DHRS12: variants seen among roughly 807,000 people sequenced by gnomAD.
The protein encoded by DHRS12 is dehydrogenase/reductase SDR family member 12.
In DHRS12, 29 loss-of-function variants were observed where a neutral mutation model predicts 32.1. That is an observed-to-expected ratio of 0.90 (90% CI 0.67 to 1.23). The LOEUF (loss-of-function observed/expected upper bound fraction) is 1.23. DHRS12 is among the 50% of genes most tolerant of loss of function. The pLI is 0.00. For synonymous variants in DHRS12, 150 were observed against 135.9 expected (o/e 1.10, Z -0.72); for missense variants, 330 against 337.2 (o/e 0.98, Z 0.17).
At chr13:51,798,373 G>GT (rs1177357476) in intron 2 of DHRS12, among the ~76,000 whole-genome samples, 2 of 152,234 alleles carry the variant, frequency 1.3e-5, no homozygotes, top group African/African-American at 4.8e-5. Context: ...AGAGACTCAA[G>GT]TATTGACTGA....
rs1954754768 is a variant in DHRS12, at chr13:51,782,381, GAGA to G, written c.302-5263_302-5261del. Reference sequence around the variant, plus strand: ...CACGCTGCAGCTGGCTAAGGAGGTTGAGAAGGAGCCAACCTCCGAGGGTGGAAT... The same window carrying G: ...CACGCTGCAGCTGGCTAAGGAGGTTGAGGAGCCAACCTCCGAGGGTGGAAT... On this transcript the variant is annotated intron_variant, in intron 4 of 8. Transcript: ENST00000444610. This position sits in a 1 kb window ranked among gnomAD's most constrained non-coding sequence, Gnocchi z 4.2. 6.6e-6 allele frequency among the ~76,000 whole-genome samples: 1 copy of G among 152,206 alleles called. No homozygotes were observed. Among genetic ancestry groups the G allele is most frequent in the Non-Finnish European group, 1.5e-5 (1 of 68,030 alleles).
At position 51,770,301 on chromosome 13, in the gene DHRS12, G is replaced by A. The variant is rs186699731; in HGVS notation, c.560-1008C>T. Among the ~76,000 whole-genome samples, 34 of 152,302 alleles carry A rather than the reference G, an allele frequency of 2.2e-4. 1 individual carries two copies. Among genetic ancestry groups the A allele is most frequent in the Admixed American group, 1.8e-3 (27 of 15,302 alleles). On this transcript the variant is annotated intron_variant, in intron 7 of 8. Coordinates refer to ENST00000444610, the MANE Select transcript of DHRS12 (RefSeq NM_001377533.1). ...TGCTCAGCCCTCCCAGGCCCCTGTG[G>A]CCACAGACAGGTTGTGTGCACCTGA...
At chr13:51,778,943 A>C (rs1025728026) in intron 4 of DHRS12, among the ~76,000 whole-genome samples, 1 of 152,166 alleles carries the variant, frequency 6.6e-6, no homozygotes, top group Admixed American at 6.5e-5. Context: ...CTGTGTATAT[A>C]TATATATAAA....
chr13:51,759,848 A>C, the DHRS12 span: 2 of 1,455,248 alleles, frequency 1.4e-6, no homozygotes, highest in South Asian at 2.3e-5. Flanking sequence ...AGAGTGGTAA[A>C]GCAGACATGT....
At chr13:51,800,502 C>G (rs74086297) in intron 1 of DHRS12, among the ~76,000 whole-genome samples, 4,561 of 152,348 alleles carry the variant, frequency 0.03, 113 homozygotes, top group Admixed American at 0.06. Context: ...TGCCCACGCA[C>G]AGGCAGGCTG....
chr13:51,779,089 C>T (rs1354966978), intron 4 of DHRS12, among the ~76,000 whole-genome samples: 1 of 152,110 alleles, frequency 6.6e-6, no homozygotes, highest in African/African-American at 2.4e-5. Context: ...TGCTGCATGC[C>T]AACCCATGCC....
At position 51,777,094 on chromosome 13, in the gene DHRS12, A is replaced by G. The variant is rs1954461693; in HGVS notation, c.329T>C (p.Ile110Thr). ...GTCGTGTTCTTTCTCCAGCACAGGG[A>G]TCAGGCCGGTCGTGAGAATGTACAC... ...LGVYILTTGL[I>T]PVLEKEHDPR... Residue 110 changes from isoleucine to threonine, a missense_variant, in exon 5 of 9, where the codon ATC becomes ACC. Coordinates refer to ENST00000444610, the MANE Select transcript of DHRS12 (RefSeq NM_001377533.1). 6.2e-7 allele frequency: 1 copy of G among 1,613,800 alleles called. No homozygotes were observed. Among genetic ancestry groups the G allele is most frequent in the African/African-American group, 1.3e-5 (1 of 74,900 alleles).
chr13:51,795,708 G>A (rs1955484170), intron 2 of DHRS12, among the ~76,000 whole-genome samples: 1 of 152,170 alleles, frequency 6.6e-6, no homozygotes, highest in Admixed American at 6.5e-5. Flanking sequence ...CCAGAAGGAA[G>A]AACCAGAGAG....
chr13:51,772,216 G>C (rs1202358685), intron 6 of DHRS12, among the ~76,000 whole-genome samples: 1 of 152,260 alleles, frequency 6.6e-6, no homozygotes, highest in African/African-American at 2.4e-5. Flanking sequence ...GGTGTTCCTC[G>C]TCCACAAGTC....
chr13:51,769,628 G>C (rs1245056649), intron 7 of DHRS12, among the ~76,000 whole-genome samples: 1 of 152,132 alleles, frequency 6.6e-6, no homozygotes, highest in Non-Finnish European at 1.5e-5. Flanking sequence ...TGAGCTGTGG[G>C]GCTCACAGTG....
At chr13:51,765,439 A>G (rs1953717182), downstream of DHRS12, 1 of 152,186 alleles carries the variant, frequency 6.6e-6, no homozygotes. Context: ...CATGTCCCAT[A>G]CCAGGGAATT....
intron 2 of DHRS12, chr13:51,797,782 A>T (rs1429488535): frequency 6.6e-7 from 1 of 1,521,850 alleles, no homozygotes; most frequent in Non-Finnish European, 8.8e-7. Flanking sequence ...ACAGCTGACC[A>T]TGGAGGCAAG....
chr13:51,754,977 C>G, the DHRS12 span, among the ~76,000 whole-genome samples: 3 of 152,134 alleles, frequency 2.0e-5, no homozygotes, highest in African/African-American at 7.2e-5. Flanking sequence ...CTCTCATTTC[C>G]CCATCTGTGC....
intron 2 of DHRS12, chr13:51,797,797 C>A (rs1955574748): frequency 6.5e-7 from 1 of 1,533,170 alleles, no homozygotes; most frequent in Non-Finnish European, 8.7e-7. Flanking sequence ...GGCAAGGAAA[C>A]CCAGCAGGAG....
At chr13:51,785,800 T>C (rs1185992315) in intron 4 of DHRS12, among the ~76,000 whole-genome samples, 1 of 152,248 alleles carries the variant, frequency 6.6e-6, no homozygotes, top group East Asian at 1.9e-4. Flanking sequence ...CAATAGCTGA[T>C]GATACAACCC....
downstream of DHRS12, chr13:51,765,283 A>T (rs986396008): frequency 6.6e-6 from 1 of 152,216 alleles, no homozygotes; most frequent in African/African-American, 2.4e-5. Context: ...TTAACCAAGA[A>T]CCACGTCAAC....
intron 4 of DHRS12, among the ~76,000 whole-genome samples, chr13:51,787,802 ATTT>A (rs1485553330): frequency 9.6e-6 from 1 of 104,018 alleles, no homozygotes; most frequent in Non-Finnish European, 1.9e-5. Flanking sequence ...ATTAATATAT[ATTT>A]ATATATAATT....
chr13:51,779,993 G>A (rs1032632501), intron 4 of DHRS12, among the ~76,000 whole-genome samples: 4 of 151,848 alleles, frequency 2.6e-5, no homozygotes, highest in South Asian at 2.1e-4. Flanking sequence ...CCTGGCTAAC[G>A]TGGCGAAACC....
In DHRS12 at chr13:51,782,699, G is replaced by A. The variant is rs1449106869; in HGVS notation, c.302-5578C>T. Among the ~76,000 whole-genome samples the A allele has an allele frequency of 6.6e-6, 1 of 152,248 alleles. No individual in the cohort carries two copies. Among genetic ancestry groups the A allele is most frequent in the East Asian group, 1.9e-4 (1 of 5,188 alleles). Reference sequence around the variant, plus strand: ...CCTGCTGTCACAGCCGCAGTATGGGGGTCCTGTGTGCTTCACTGAGATGTA... The same window carrying A: ...CCTGCTGTCACAGCCGCAGTATGGGAGTCCTGTGTGCTTCACTGAGATGTA... On this transcript the variant is annotated intron_variant, in intron 4 of 8. Coordinates refer to ENST00000444610, the MANE Select transcript of DHRS12 (RefSeq NM_001377533.1). This position sits in a 1 kb window ranked among gnomAD's most constrained non-coding sequence, Gnocchi z 4.2.
Sources: allele counts gnomAD v4.1 joint callset (sites outside exome capture counted in the v4.1 genomes callset), GRCh38; gene constraint gnomAD v4.1.1; non-coding constraint Gnocchi (gnomAD v3.1); transcripts MANE v1.5; gene names NCBI Gene and HGNC (gene_info 2026-07-23, HGNC 2026-07-21).